SNTG1: variants seen among roughly 807,000 people sequenced by gnomAD.
The protein encoded by SNTG1 is syntrophin gamma 1.
SNTG1 carries 39 observed loss-of-function variants against 74.7 expected under a neutral mutation model. That is an observed-to-expected ratio of 0.52 (90% CI 0.40 to 0.68). SNTG1 has a LOEUF of 0.68. Among genes scored for constraint, SNTG1 ranks in the 30% least tolerant of loss-of-function variants. The pLI, the probability that SNTG1 is intolerant of heterozygous loss-of-function variation, is 0.00. For missense variants in SNTG1, 685 were observed against 609.5 expected, an observed-to-expected ratio of 1.12 and a Z score of -1.30; for synonymous variants, 254 against 217.1, an observed-to-expected ratio of 1.17 and a Z score of -1.49.
At chr8:50,294,664 C>T (rs990807470) in intron 2 of SNTG1, among the ~76,000 whole-genome samples, 3 of 152,186 alleles carry the variant, frequency 2.0e-5, no homozygotes, top group Non-Finnish European at 2.9e-5. Flanking sequence ...GGCAAATCTG[C>T]TTTCCCCAGA....
At chr8:50,740,087 A>T (rs905009714) in intron 17 of SNTG1, among the ~76,000 whole-genome samples, 2 of 152,130 alleles carry the variant, frequency 1.3e-5, no homozygotes, top group African/African-American at 4.8e-5. Flanking sequence ...TGAAGATGCC[A>T]AAAGCAATTA....
At chr8:50,647,883 C>T (rs538377192) in intron 13 of SNTG1, among the ~76,000 whole-genome samples, 1 of 144,988 alleles carries the variant, frequency 6.9e-6, no homozygotes, top group African/African-American at 2.6e-5. Flanking sequence ...CTGTAATTCC[C>T]ATTTTTACAT....
At chr8:50,108,575 C>T (rs987675794) in intron 1 of SNTG1, among the ~76,000 whole-genome samples, 1 of 152,150 alleles carries the variant, frequency 6.6e-6, no homozygotes, top group Non-Finnish European at 1.5e-5. Flanking sequence ...AAAACCCCCA[C>T]AAAACTTTCG....
intron 1 of SNTG1, among the ~76,000 whole-genome samples, chr8:50,002,646 G>A (rs1421200365): frequency 6.6e-6 from 1 of 151,988 alleles, no homozygotes; most frequent in Non-Finnish European, 1.5e-5. Context: ...TTATTTAAGA[G>A]ATTACACATA....
chr8:50,569,531 A>G lies in SNTG1; in HGVS notation c.810+16352A>G, dbSNP rs535177677. On this transcript the variant is annotated intron_variant, in intron 12 of 18. Transcript: ENST00000642720. The stretch of plus-strand genomic sequence containing the variant: ...AAAAGCAAAAAAAAAATCAAAAAAC[A>G]AAAAACAAACAAAAAACAAAAAAAA... 2.7e-5 allele frequency among the ~76,000 whole-genome samples: 4 copies of G among 150,248 alleles called. No individual in the cohort carries two copies. The East Asian group carries it at 7.7e-4, about 29-fold the overall frequency.
chr8:50,089,718 C>T (rs2079642229), intron 1 of SNTG1, among the ~76,000 whole-genome samples: 1 of 152,160 alleles, frequency 6.6e-6, no homozygotes, highest in African/African-American at 2.4e-5. Flanking sequence ...TACCATCTCA[C>T]ACCAGTTAGA....
intron 1 of SNTG1, among the ~76,000 whole-genome samples, chr8:50,167,686 G>T (rs139618166): frequency 4.0e-5 from 6 of 151,030 alleles, no homozygotes; most frequent in East Asian, 1.9e-4. Flanking sequence ...GGTGGCATGC[G>T]CCTGTAGTCC....
At chr8:50,561,356 T>G (rs2094487279) in intron 12 of SNTG1, among the ~76,000 whole-genome samples, 1 of 152,182 alleles carries the variant, frequency 6.6e-6, no homozygotes, top group African/African-American at 2.4e-5. Context: ...AGGTATTTCT[T>G]TATAGCAGTG....
At chr8:50,254,702 C>T (rs1021594818) in intron 2 of SNTG1, among the ~76,000 whole-genome samples, 8 of 151,738 alleles carry the variant, frequency 5.3e-5, no homozygotes, top group Non-Finnish European at 8.8e-5. Flanking sequence ...AAAAATTAGC[C>T]GGGCGTGGTG....
chr8:50,086,676 G>T (rs551752838), intron 1 of SNTG1, among the ~76,000 whole-genome samples: 31 of 152,022 alleles, frequency 2.0e-4, no homozygotes, highest in Non-Finnish European at 4.1e-4. Flanking sequence ...TGGCAATTTT[G>T]GGAATCAACT....
At chr8:50,699,374 T>C (rs1188045437) in intron 15 of SNTG1, among the ~76,000 whole-genome samples, 1 of 152,166 alleles carries the variant, frequency 6.6e-6, no homozygotes, top group Non-Finnish European at 1.5e-5. Context: ...TACCTAAACT[T>C]AGCCCTTTGG....
At chr8:50,508,139 G>C (rs2094026528) in intron 9 of SNTG1, among the ~76,000 whole-genome samples, 1 of 152,002 alleles carries the variant, frequency 6.6e-6, no homozygotes, top group Non-Finnish European at 1.5e-5. Flanking sequence ...TCACTGTTCA[G>C]TTCCTACCTA....
intron 9 of SNTG1, among the ~76,000 whole-genome samples, chr8:50,510,706 G>A (rs1030070297): frequency 6.6e-6 from 1 of 152,128 alleles, no homozygotes; most frequent in Non-Finnish European, 1.5e-5. Context: ...TTTGCGTAGA[G>A]GTGTTTATAA....
At chr8:50,363,204 A>C (rs2131085639) in intron 2 of SNTG1, among the ~76,000 whole-genome samples, 1 of 152,282 alleles carries the variant, frequency 6.6e-6, no homozygotes, top group South Asian at 2.1e-4. Context: ...CACTCAACCA[A>C]TATTTATGAA....
intron 1 of SNTG1, among the ~76,000 whole-genome samples, chr8:49,919,433 C>T (rs1023643239): frequency 7.9e-5 from 12 of 152,114 alleles, no homozygotes; most frequent in African/African-American, 2.2e-4. Flanking sequence ...AAGAACAACA[C>T]TTGTCCTCTA....
chr8:50,716,859 A>G (rs1217965342), intron 17 of SNTG1, among the ~76,000 whole-genome samples: 1 of 151,768 alleles, frequency 6.6e-6, no homozygotes, highest in Non-Finnish European at 1.5e-5. Flanking sequence ...CAGCCTCCTG[A>G]GTAACTGGGA....
intron 1 of SNTG1, among the ~76,000 whole-genome samples, chr8:49,920,864 A>T (rs1467758882): frequency 1.3e-5 from 2 of 152,110 alleles, no homozygotes; most frequent in East Asian, 1.9e-4. Flanking sequence ...AAATGACTAG[A>T]TGTTAGTGAT....
chr8:50,086,912 T>C (rs1307446310), intron 1 of SNTG1, among the ~76,000 whole-genome samples: 1 of 152,170 alleles, frequency 6.6e-6, no homozygotes, highest in East Asian at 1.9e-4. Flanking sequence ...ATAAAGGTTT[T>C]TTAAACATTG....
intron 12 of SNTG1, among the ~76,000 whole-genome samples, chr8:50,568,341 G>T (rs983666935): frequency 2.0e-5 from 3 of 151,752 alleles, no homozygotes; most frequent in Non-Finnish European, 4.4e-5. Context: ...TAAACTGATT[G>T]TCCTTTGGAT....
Sources: gnomAD v4.1 joint callset for allele counts (sites outside exome capture counted in the v4.1 genomes callset) on GRCh38, gnomAD v4.1.1 for gene constraint, MANE v1.5 for transcripts, NCBI Gene and HGNC (gene_info 2026-07-23, HGNC 2026-07-21) for gene names.